DKK2: variants seen among roughly 807,000 people sequenced by gnomAD.
DKK2 encodes the protein dickkopf Wnt signaling pathway inhibitor 2.
In DKK2, 11 loss-of-function variants were observed where a neutral mutation model predicts 28.1. The observed-to-expected ratio is 0.39, with a 90% confidence interval of 0.25 to 0.65. The LOEUF is 0.65. Ranked by LOEUF, DKK2 falls within the 30% of genes least tolerant of loss-of-function variation. DKK2 has a pLI of 0.47. For synonymous variants in DKK2, 135 were observed against 126.5 expected, an observed-to-expected ratio of 1.07 and a Z score of -0.45; for missense variants, 326 against 335.5, an observed-to-expected ratio of 0.97 and a Z score of 0.22.
At chr4:106,996,925 C>G (rs938323680) in intron 1 of DKK2, among the ~76,000 whole-genome samples, 1 of 152,112 alleles carries the variant, frequency 6.6e-6, no homozygotes, top group Admixed American at 6.6e-5. Flanking sequence ...ATGTGATTTA[C>G]CCATGTAACA....
chr4:106,988,127 G>A (rs1487268901), intron 1 of DKK2, among the ~76,000 whole-genome samples: 13 of 152,190 alleles, frequency 8.5e-5, no homozygotes, highest in Admixed American at 2.0e-4. Context: ...GCCTCCCAAA[G>A]TGCTGGGATT....
At chr4:106,989,267 A>C (rs919992126) in intron 1 of DKK2, among the ~76,000 whole-genome samples, 2 of 152,306 alleles carry the variant, frequency 1.3e-5, no homozygotes, top group Non-Finnish European at 2.9e-5. Context: ...CCTTGGAGTA[A>C]GGAATATTTA....
intron 1 of DKK2, among the ~76,000 whole-genome samples, chr4:106,931,104 C>T (rs1013244521): frequency 5.3e-5 from 8 of 152,120 alleles, no homozygotes; most frequent in Non-Finnish European, 1.2e-4. Context: ...TGTATACTAT[C>T]TGCCAAAGGC....
chr4:106,995,192 T>A (rs1029494850), intron 1 of DKK2, among the ~76,000 whole-genome samples: 1 of 152,172 alleles, frequency 6.6e-6, no homozygotes, highest in African/African-American at 2.4e-5. Context: ...TGAGAATTAA[T>A]GCCTGCAGAA....
intron 1 of DKK2, among the ~76,000 whole-genome samples, chr4:106,952,621 C>T (rs972059044): frequency 6.6e-6 from 1 of 152,126 alleles, no homozygotes; most frequent in Non-Finnish European, 1.5e-5. Flanking sequence ...AGGGCTACTT[C>T]AATGTCAATA....
intron 1 of DKK2, among the ~76,000 whole-genome samples, chr4:106,965,830 G>A (rs1483431777): frequency 6.9e-6 from 1 of 143,968 alleles, no homozygotes; most frequent in African/African-American, 2.6e-5. Flanking sequence ...CCACCTATGA[G>A]TGAGAATATG....
At chr4:106,942,176 G>A (rs1164926914) in intron 1 of DKK2, among the ~76,000 whole-genome samples, 1 of 152,084 alleles carries the variant, frequency 6.6e-6, no homozygotes, top group East Asian at 1.9e-4. Context: ...CTCAGCCTCA[G>A]AAATGTGGTA....
intron 1 of DKK2, among the ~76,000 whole-genome samples, chr4:106,965,931 T>C (rs1722774078): frequency 6.6e-6 from 1 of 151,338 alleles, no homozygotes. Flanking sequence ...GAACTCATCA[T>C]TTTTTATGGC....
chr4:106,935,963 T>A (rs974144870), intron 1 of DKK2, among the ~76,000 whole-genome samples: 2 of 152,124 alleles, frequency 1.3e-5, no homozygotes, highest in African/African-American at 4.8e-5. Flanking sequence ...AAAACCCATC[T>A]GTACATCACC....
intron 1 of DKK2, among the ~76,000 whole-genome samples, chr4:106,936,894 T>G (rs1724598070): frequency 6.6e-6 from 1 of 151,004 alleles, no homozygotes; most frequent in African/African-American, 2.4e-5. Context: ...AGAAATAAAA[T>G]ACTTTACAGA....
intron 1 of DKK2, among the ~76,000 whole-genome samples, chr4:107,000,525 T>A (rs76511221): frequency 0.021 from 3,199 of 152,316 alleles, 126 homozygotes; most frequent in African/African-American, 0.073. Context: ...TTCAATGTTT[T>A]TAAGCATTTA....
intron 1 of DKK2, among the ~76,000 whole-genome samples, chr4:106,953,437 A>AAAAGAAC (rs1203357444): frequency 1.3e-5 from 2 of 152,160 alleles, no homozygotes; most frequent in African/African-American, 2.4e-5. Context: ...GCTCTACATA[A>AAAAGAAC]AAAGAACAAA....
chr4:106,925,697 A>C lies in DKK2; in HGVS notation c.373+102T>G, dbSNP rs142651192. ...CTAAACCAGTTCTACCAGGCTTCTT[A>C]TATTTCAGGAGTCTGAGTAAGGAGA... is the stretch of plus-strand genomic sequence containing the variant. On this transcript the variant is annotated intron_variant, in intron 2 of 3. Coordinates refer to ENST00000285311, the MANE Select transcript of DKK2 (RefSeq NM_014421.3). 7 of 1,437,338 alleles carry C rather than the reference A, an allele frequency of 4.9e-6. No individual in the cohort carries two copies. The African/African-American group carries it at 1.0e-4, about 20-fold the overall frequency. The allele number at this position is 1,437,338 out of a possible 1,614,324, so 89.0% of individuals were successfully genotyped here. A position where few individuals can be genotyped will look rare whatever the true frequency, so the allele number is the denominator to read the frequency against.
intron 1 of DKK2, among the ~76,000 whole-genome samples, chr4:106,928,568 C>T (rs1172947615): frequency 6.6e-6 from 1 of 151,996 alleles, no homozygotes; most frequent in Non-Finnish European, 1.5e-5. Context: ...TGAATACAAT[C>T]AAGAAGGGAT....
intron 1 of DKK2, among the ~76,000 whole-genome samples, chr4:106,952,541 T>C (rs747190878): frequency 2.0e-5 from 3 of 152,102 alleles, no homozygotes; most frequent in Non-Finnish European, 4.4e-5. Context: ...TCAAATCCTA[T>C]CTCCTTCAAA....
intron 1 of DKK2, among the ~76,000 whole-genome samples, chr4:106,957,388 C>G (rs905352529): frequency 5.3e-5 from 8 of 152,010 alleles, no homozygotes; most frequent in Non-Finnish European, 1.2e-4. Flanking sequence ...TTTGACCCAG[C>G]CATCCCATTA....
intron 1 of DKK2, among the ~76,000 whole-genome samples, chr4:106,967,076 C>T (rs1402190347): frequency 6.6e-6 from 1 of 152,120 alleles, no homozygotes; most frequent in Non-Finnish European, 1.5e-5. Flanking sequence ...AGGATATCAA[C>T]AAAGTTCTTC....
At position 107,027,756 on chromosome 4, in the gene DKK2, A is replaced by ATTTTTT. The variant is rs71590176; in HGVS notation, c.222+7608_222+7613dup. Among the ~76,000 whole-genome samples, 323 of 135,318 alleles carry ATTTTTT rather than the reference A, an allele frequency of 2.4e-3. 21 individuals are homozygous for ATTTTTT. The highest frequency in any genetic ancestry group is 8.3e-3 in the African/African-American group (302 of 36,354). The allele number at this position is 135,318 out of a possible 152,430, so 88.8% of individuals were successfully genotyped here. On this transcript the variant is annotated intron_variant, in intron 1 of 3. Transcript: ENST00000285311. ...TTGCTTATGACCTCCACCTATTATG[A>ATTTTTT]TTTTTTTTTTTTTGAGACAGAGTCT...
At chr4:106,934,485 A>G (rs1724549632) in intron 1 of DKK2, among the ~76,000 whole-genome samples, 1 of 152,240 alleles carries the variant, frequency 6.6e-6, no homozygotes, top group Admixed American at 6.5e-5. Context: ...TAGCAGAATT[A>G]GACTACCAAT....
Sources: gnomAD v4.1 joint callset for allele counts (sites outside exome capture counted in the v4.1 genomes callset) on GRCh38, gnomAD v4.1.1 for gene constraint, MANE v1.5 for transcripts, NCBI Gene and HGNC (gene_info 2026-07-23, HGNC 2026-07-21) for gene names.